The following FOXP2 variants were observed in gnomAD, a reference collection of about 807,000 sequenced individuals.
FOXP2 encodes forkhead box protein P2.
A neutral mutation model predicts 115.8 loss-of-function variants in FOXP2; 12 were observed. The ratio of observed to expected loss-of-function variants is 0.10; its 90% CI spans 0.07 to 0.17. The LOEUF (loss-of-function observed/expected upper bound fraction) is 0.17, where lower values mean the gene tolerates loss of function less well. Among genes scored for constraint, FOXP2 ranks in the 10% least tolerant of loss-of-function variants. The pLI is 1.00. For missense variants in FOXP2, 629 were observed against 843.5 expected (o/e 0.75, Z 3.15); for synonymous variants, 328 against 297.7 (o/e 1.10, Z -1.05).
At chr7:114,244,163 A>C (rs980557158) in intron 1 of FOXP2, among the ~76,000 whole-genome samples, 2 of 152,276 alleles carry the variant, frequency 1.3e-5, no homozygotes, top group East Asian at 3.9e-4. Context: ...GTTTACAAAA[A>C]ATTGTGAAGA....
rs186711119 is a variant in FOXP2 at position 114,334,578 on chromosome 7, T to A, written c.-11+46469T>A. ...AATCTAGTATTTAGTTTGTGGTACA[T>A]AGTTCTCAAGTTAGTGGAAAAAAAT... On this transcript the variant is annotated intron_variant, in intron 2 of 17. Transcript: ENST00000634411. 8.0e-4 allele frequency among the ~76,000 whole-genome samples: 121 copies of A among 151,252 alleles called. 1 individual carries two copies. The highest frequency in any genetic ancestry group is 2.7e-3 in the African/African-American group (111 of 41,246).
chr7:114,308,895 A>C (rs1584625475), intron 2 of FOXP2, among the ~76,000 whole-genome samples: 2 of 152,324 alleles, frequency 1.3e-5, no homozygotes, highest in South Asian at 4.1e-4. Flanking sequence ...CATCAACAGT[A>C]GTAGCCCTGG....
intron 1 of FOXP2, among the ~76,000 whole-genome samples, chr7:114,102,991 A>G (rs1370260896): frequency 6.6e-6 from 1 of 152,072 alleles, no homozygotes; most frequent in Non-Finnish European, 1.5e-5. Flanking sequence ...CATTAGTATT[A>G]CAATATAAAT....
chr7:114,092,658 A>G (rs1229266211), intron 1 of FOXP2, among the ~76,000 whole-genome samples: 1 of 152,114 alleles, frequency 6.6e-6, no homozygotes, highest in Non-Finnish European at 1.5e-5. Context: ...ACTAATCCAA[A>G]TATCTTACCA....
chr7:114,180,841 T>C (rs1417487870), intron 1 of FOXP2, among the ~76,000 whole-genome samples: 4 of 152,018 alleles, frequency 2.6e-5, no homozygotes, highest in Admixed American at 6.6e-5. Context: ...ATCACTGCAA[T>C]GATCTCTTAA....
intron 2 of FOXP2, among the ~76,000 whole-genome samples, chr7:114,337,497 T>C (rs1640397228): frequency 6.6e-6 from 1 of 151,258 alleles, no homozygotes; most frequent in African/African-American, 2.4e-5. Context: ...ATTCTAAAAA[T>C]AATATGTATT....
intron 2 of FOXP2, among the ~76,000 whole-genome samples, chr7:114,335,326 A>G (rs981776020): frequency 6.6e-6 from 1 of 151,898 alleles, no homozygotes; most frequent in Non-Finnish European, 1.5e-5. Context: ...TGGGTACTAA[A>G]GTGAATTCAT....
At chr7:114,591,506 A>G (rs567090483) in intron 3 of FOXP2, among the ~76,000 whole-genome samples, 71 of 152,066 alleles carry the variant, frequency 4.7e-4, no homozygotes, top group Middle Eastern at 3.4e-3. Flanking sequence ...GTTCAGTTAT[A>G]TGTCAGATGG....
At position 114,149,885 on chromosome 7, in the gene FOXP2, A is replaced by G. The variant is rs188521022; in HGVS notation, c.-246-13059A>G. ...GTAAAACACATCATCATGTAGTGAA[A>G]TAGAGCCAGGAAATTTGGTTTGAGG... On this transcript the variant is annotated intron_variant, in intron 1 of 19. Coordinates refer to the FOXP2 transcript ENST00000635638. Among the ~76,000 whole-genome samples, 4 of 152,188 alleles carry G rather than the reference A, an allele frequency of 2.6e-5. No homozygotes were observed. In the East Asian group the frequency reaches 5.8e-4, roughly 22 times the overall value.
intron 2 of FOXP2, among the ~76,000 whole-genome samples, chr7:114,460,610 CT>C (rs1795521423): frequency 6.6e-6 from 1 of 152,152 alleles, no homozygotes; most frequent in East Asian, 1.9e-4. Context: ...CATAATCTTT[CT>C]TGTTCTCAGT....
upstream of FOXP2, among the ~76,000 whole-genome samples, chr7:114,159,204 A>G (rs903606537): frequency 1.3e-5 from 2 of 152,162 alleles, no homozygotes; most frequent in African/African-American, 4.8e-5. Context: ...GAGAGGAATT[A>G]AGAAAGAGTG....
rs1339750211 is a variant in FOXP2, at chr7:114,585,312, G to T, written c.259-43228G>T. ...CAAATTTATGATTTTTGGTGAAAGGGTCAGAAAATCTGTATTTCTACCAAG... is the reference window on the plus strand; with the variant it reads ...CAAATTTATGATTTTTGGTGAAAGGTTCAGAAAATCTGTATTTCTACCAAG... On this transcript the variant is annotated intron_variant, in intron 3 of 16. Coordinates refer to ENST00000350908, the MANE Select transcript of FOXP2 (RefSeq NM_014491.4). Among the ~76,000 whole-genome samples, 3 of 152,186 alleles carry T rather than the reference G, an allele frequency of 2.0e-5. No homozygotes were observed. In the East Asian group the frequency reaches 5.8e-4, roughly 29 times the overall value.
chr7:114,573,976 T>G (rs960848053), intron 3 of FOXP2, among the ~76,000 whole-genome samples: 1 of 151,774 alleles, frequency 6.6e-6, no homozygotes, highest in Non-Finnish European at 1.5e-5. Flanking sequence ...TATTTTTTCA[T>G]AGGGTTTTTT....
chr7:114,545,410 C>G (rs1469072884), intron 3 of FOXP2, among the ~76,000 whole-genome samples: 2 of 152,136 alleles, frequency 1.3e-5, no homozygotes, highest in Non-Finnish European at 2.9e-5. Context: ...AGGATCATTT[C>G]CAACAATATT....
chr7:114,663,125 A>T (rs946311859), intron 14 of FOXP2, among the ~76,000 whole-genome samples: 3 of 152,110 alleles, frequency 2.0e-5, no homozygotes, highest in Admixed American at 6.6e-5. Flanking sequence ...TTTACATTTT[A>T]AAAATTTTGT....
At chr7:114,687,538 A>G (rs774842649) in intron 16 of FOXP2, among the ~76,000 whole-genome samples, 16 of 152,334 alleles carry the variant, frequency 1.1e-4, no homozygotes, top group Non-Finnish European at 2.2e-4. Context: ...TTCAAACCAC[A>G]CAAGCATGTT....
intron 1 of FOXP2, among the ~76,000 whole-genome samples, chr7:114,110,854 G>A (rs552823993): frequency 6.6e-6 from 1 of 152,240 alleles, no homozygotes; most frequent in East Asian, 1.9e-4. Flanking sequence ...TAAGAATTTA[G>A]TAGTGAGCAT....
At chr7:114,673,169 T>C (rs1807586650) in intron 16 of FOXP2, among the ~76,000 whole-genome samples, 2 of 152,186 alleles carry the variant, frequency 1.3e-5, no homozygotes, top group Non-Finnish European at 2.9e-5. Context: ...AGGCAAAGTG[T>C]CAAGATGTGA....
chr7:114,105,844 A>G (rs186612748), intron 1 of FOXP2, among the ~76,000 whole-genome samples: 56 of 152,216 alleles, frequency 3.7e-4, no homozygotes, highest in Admixed American at 3.0e-3. Context: ...TGGCTGGTAA[A>G]TAGCAAAGCC....
Sources: allele counts gnomAD v4.1 joint callset (sites outside exome capture counted in the v4.1 genomes callset), GRCh38; gene constraint gnomAD v4.1.1; transcripts MANE v1.5; gene names NCBI Gene and HGNC (gene_info 2026-07-23, HGNC 2026-07-21).